The following CAPN8 variants were observed in gnomAD, a reference collection of about 807,000 sequenced individuals.
CAPN8 encodes calpain-8.
A neutral mutation model predicts 80.9 loss-of-function variants in CAPN8; 87 were observed. That is an observed-to-expected ratio of 1.07 (90% confidence interval 0.90 to 1.28). The LOEUF (loss-of-function observed/expected upper bound fraction) is 1.28. CAPN8 is among the 50% of genes most tolerant of loss of function. The pLI is 0.00. For synonymous variants in CAPN8, 299 were observed against 273.8 expected (o/e 1.09, Z -0.91); for missense variants, 757 against 702.0 (o/e 1.08, Z -0.89).
intron 13 of CAPN8, among the ~76,000 whole-genome samples, chr1:223,556,182 C>G (rs1364591710): frequency 6.6e-6 from 1 of 152,154 alleles, no homozygotes; most frequent in African/African-American, 2.4e-5. Context: ...CTTTGAATGT[C>G]CAACTGTCCG....
At position 223,665,358 on chromosome 1, in the gene CAPN8, T is replaced by C. The variant is rs753815408; in HGVS notation, c.237+52A>G. The C allele has an allele frequency of 1.4e-4, 208 of 1,435,374 alleles. 1 individual carries two copies. Among genetic ancestry groups the C allele is most frequent in the Non-Finnish European group, 1.9e-4 (195 of 1,046,172 alleles). The allele number at this position is 1,435,374 out of a possible 1,614,324, so 88.9% of individuals were successfully genotyped here. On this transcript the variant is annotated intron_variant, in intron 1 of 20. Transcript: ENST00000366872. ...TCTCCCTCAGTTCCTCCTGATCAGA[T>C]GTAAGGCCCCTCCACCTTGTATGTC...
chr1:223,542,571 C>G (rs1286753998), intron 20 of CAPN8, among the ~76,000 whole-genome samples: 6 of 152,184 alleles, frequency 3.9e-5, no homozygotes, highest in Admixed American at 1.3e-4. Flanking sequence ...CTGCCTGGAC[C>G]CTTGGAGACA....
At chr1:223,656,660 C>T (rs1325989956) in intron 1 of CAPN8, among the ~76,000 whole-genome samples, 1 of 143,918 alleles carries the variant, frequency 6.9e-6, no homozygotes, top group Admixed American at 7.0e-5. Context: ...TACATACACA[C>T]GTTTTGGGTT....
intron 13 of CAPN8, among the ~76,000 whole-genome samples, chr1:223,556,033 T>A (rs1455402573): frequency 1.3e-5 from 2 of 152,224 alleles, no homozygotes. Context: ...ACGCAAGGAA[T>A]TATTTTCTTG....
intron 1 of CAPN8, among the ~76,000 whole-genome samples, chr1:223,657,135 T>A (rs993643591): frequency 6.6e-6 from 1 of 152,174 alleles, no homozygotes; most frequent in Non-Finnish European, 1.5e-5. Flanking sequence ...GTGATGGACC[T>A]TTAGTTTTTT....
At chr1:223,664,900 A>C (rs530961663) in intron 1 of CAPN8, among the ~76,000 whole-genome samples, 1 of 152,304 alleles carries the variant, frequency 6.6e-6, no homozygotes, top group African/African-American at 2.4e-5. Flanking sequence ...TGATCGCACC[A>C]CTGCACTCCA....
rs763781240 is a variant in CAPN8 at position 223,545,274 on chromosome 1, G to T, written c.1790C>A (p.Ala597Glu). 10 of 1,551,562 alleles carry T rather than the reference G, an allele frequency of 6.4e-6. No individual in the cohort carries two copies. Among genetic ancestry groups the T allele is most frequent in the South Asian group, 5.9e-5 (5 of 84,050 alleles). ...CAGCCAGAGCGTCTTGAATTCCACCGCCCCCAAAGTGCCCGTTCCATTGCT... is the reference window on the plus strand; with the variant it reads ...CAGCCAGAGCGTCTTGAATTCCACCTCCCCCAAAGTGCCCGTTCCATTGCT... ...LDSNGTGTLGAVEFKTLWLKI... is the reference protein window; with the variant it reads ...LDSNGTGTLGEVEFKTLWLKI... The change falls in exon 17 of 21, where the codon GCG becomes GAG. Residue 597 changes from alanine to glutamate, a missense_variant. Physicochemically the swap from Ala to Glu is moderately radical, Grantham distance 107. Coordinates refer to ENST00000366872, the MANE Select transcript of CAPN8 (RefSeq NM_001143962.2).
chr1:223,545,821 CTTTT>C (rs141485616), intron 16 of CAPN8, among the ~76,000 whole-genome samples: 2 of 98,596 alleles, frequency 2.0e-5, no homozygotes, highest in African/African-American at 4.3e-5. Context: ...CACTCCACAA[CTTTT>C]TTTTTTTTTT....
intron 2 of CAPN8, among the ~76,000 whole-genome samples, chr1:223,651,932 C>A (rs550188724): frequency 2.0e-5 from 3 of 152,166 alleles, no homozygotes; most frequent in Non-Finnish European, 4.4e-5. Flanking sequence ...CAAAGAAACA[C>A]GGAGGGAATT....
intron 1 of CAPN8, among the ~76,000 whole-genome samples, chr1:223,658,687 T>C (rs970970936): frequency 6.6e-6 from 1 of 152,096 alleles, no homozygotes; most frequent in Non-Finnish European, 1.5e-5. Flanking sequence ...GCACCTGTAA[T>C]CCCAGCTACC....
At chr1:223,549,564 C>G (rs747506826) in intron 15 of CAPN8, 182 bp from the exon 16 acceptor site, 4 of 900,048 alleles carry the variant, frequency 4.4e-6, no homozygotes, top group South Asian at 1.4e-5. Context: ...CTCCTGGTGC[C>G]GTGGGAGATA....
intron 1 of CAPN8, among the ~76,000 whole-genome samples, chr1:223,658,944 G>A (rs1658566133): frequency 6.6e-6 from 1 of 152,218 alleles, no homozygotes; most frequent in Non-Finnish European, 1.5e-5. Context: ...GTAATTGGGA[G>A]TCAGAGAGGT....
chr1:223,620,108 AG>A, intron 8 of CAPN8, 83 bp downstream of exon 8: 1 of 1,161,370 alleles, frequency 8.6e-7, no homozygotes, highest in Non-Finnish European at 1.3e-6. Context: ...CCTTCCTGGA[AG>A]ACCCAGAGAC....
At chr1:223,627,206 G>C in intron 4 of CAPN8, 49 bp from the exon 5 acceptor site, 1 of 1,539,866 alleles carries the variant, frequency 6.5e-7, no homozygotes, top group Non-Finnish European at 8.8e-7. Flanking sequence ...TCAGCAAGGA[G>C]ACCCGGGGAT....
intron 4 of CAPN8, among the ~76,000 whole-genome samples, chr1:223,627,653 T>C (rs755701892): frequency 2.0e-5 from 3 of 152,232 alleles, no homozygotes; most frequent in African/African-American, 4.8e-5. Flanking sequence ...TTTGTTGAGT[T>C]TGGTATCTAG....
rs1310713773 is a variant in CAPN8 at position 223,649,164 on chromosome 1, A to G, written c.307+5166T>C. Among the ~76,000 whole-genome samples, 9 of 152,260 alleles carry G rather than the reference A, an allele frequency of 5.9e-5. No homozygotes were observed. The South Asian group carries it at 1.7e-3, about 28-fold the overall frequency. On this transcript the variant is annotated intron_variant, in intron 2 of 20. Coordinates refer to ENST00000366872, the MANE Select transcript of CAPN8 (RefSeq NM_001143962.2). ...TTTTCAGAGACCAAGGTCTACTTTTATACAGTAGCATCGCTCATGTGGCCT... is the reference window on the plus strand; with the variant it reads ...TTTTCAGAGACCAAGGTCTACTTTTGTACAGTAGCATCGCTCATGTGGCCT...
intron 9 of CAPN8, chr1:223,618,318 G>A: frequency 6.5e-7 from 1 of 1,550,000 alleles, no homozygotes; most frequent in Non-Finnish European, 8.7e-7. Flanking sequence ...CTGCGAGCCA[G>A]GAAAGCTTCC....
At chr1:223,656,358 A>G (rs1330370967) in intron 1 of CAPN8, among the ~76,000 whole-genome samples, 1 of 151,876 alleles carries the variant, frequency 6.6e-6, no homozygotes, top group African/African-American at 2.4e-5. Flanking sequence ...AATCCCAGCT[A>G]CTCAGGAGGC....
intron 2 of CAPN8, among the ~76,000 whole-genome samples, chr1:223,644,656 G>C (rs1658139502): frequency 1.3e-5 from 2 of 152,148 alleles, no homozygotes; most frequent in East Asian, 3.9e-4. Context: ...GAGTTTCTAG[G>C]GGAGCGCTAG....
Sources: gnomAD v4.1 joint callset for allele counts (sites outside exome capture counted in the v4.1 genomes callset) on GRCh38, gnomAD v4.1.1 for gene constraint, MANE v1.5 for transcripts, NCBI Gene and HGNC (gene_info 2026-07-23, HGNC 2026-07-21) for gene names.